Variants in CPQ observed in about 807,000 individuals in gnomAD.
The protein encoded by CPQ is Ser-Met dipeptidase.
In CPQ, 37 loss-of-function variants were observed where a neutral mutation model predicts 45.7. That is an observed-to-expected ratio of 0.81 (90% confidence interval 0.62 to 1.07). The LOEUF is 1.07. Ranked by LOEUF, CPQ falls within the 50% of genes least tolerant of loss-of-function variation. The pLI, the probability that CPQ is intolerant of heterozygous loss-of-function variation, is 0.00. For synonymous variants in CPQ, 186 were observed against 205.8 expected, an observed-to-expected ratio of 0.90 and a Z score of 0.82; for missense variants, 537 against 572.9, an observed-to-expected ratio of 0.94 and a Z score of 0.64.
At chr8:97,134,305 G>A (rs1316269674) in intron 7 of CPQ, among the ~76,000 whole-genome samples, 1 of 152,046 alleles carries the variant, frequency 6.6e-6, no homozygotes, top group African/African-American at 2.4e-5. Context: ...ATAAAACCAT[G>A]ATAATATTGT....
intron 4 of CPQ, among the ~76,000 whole-genome samples, chr8:96,919,145 T>C (rs1471622643): frequency 6.6e-6 from 1 of 151,924 alleles, no homozygotes; most frequent in Non-Finnish European, 1.5e-5. Flanking sequence ...TTTTGTGCTG[T>C]TGGTTGTTGT....
intron 2 of CPQ, among the ~76,000 whole-genome samples, chr8:96,806,652 T>G (rs117057921): frequency 7.0e-4 from 106 of 152,320 alleles, no homozygotes; most frequent in Non-Finnish European, 1.2e-3. Flanking sequence ...AGGTACAGTA[T>G]CATACAATTT....
At chr8:96,761,908 A>G (rs1810410275) in intron 1 of CPQ, among the ~76,000 whole-genome samples, 2 of 152,334 alleles carry the variant, frequency 1.3e-5, no homozygotes, top group South Asian at 4.1e-4. Flanking sequence ...TCCCTTCTGA[A>G]CATAGCAAAT....
At chr8:97,124,985 A>C (rs999340426) in intron 7 of CPQ, among the ~76,000 whole-genome samples, 8 of 152,152 alleles carry the variant, frequency 5.3e-5, no homozygotes, top group African/African-American at 1.9e-4. Context: ...TTTTGAAACA[A>C]AGCTATAAAA....
intron 5 of CPQ, among the ~76,000 whole-genome samples, chr8:96,983,103 C>T (rs1391758309): frequency 1.3e-5 from 2 of 152,072 alleles, no homozygotes; most frequent in Non-Finnish European, 2.9e-5. Context: ...GCAGATGTAA[C>T]CAGTGTTCTG....
intron 2 of CPQ, among the ~76,000 whole-genome samples, chr8:96,834,438 G>A (rs1046857971): frequency 1.3e-5 from 2 of 152,176 alleles, no homozygotes; most frequent in Non-Finnish European, 2.9e-5. Flanking sequence ...TCTTCAGAGA[G>A]ATTACATTAA....
chr8:96,978,545 C>T (rs1378299377), intron 5 of CPQ, among the ~76,000 whole-genome samples: 4 of 152,084 alleles, frequency 2.6e-5, no homozygotes, highest in Admixed American at 2.6e-4. Flanking sequence ...ATAATAATGA[C>T]CAGTTCTTTT....
chr8:96,919,282 T>G (rs2130909875), intron 4 of CPQ, among the ~76,000 whole-genome samples: 1 of 152,284 alleles, frequency 6.6e-6, no homozygotes, highest in Non-Finnish European at 1.5e-5. Context: ...CTCCTGAATC[T>G]TCCAAAGTAA....
intron 3 of CPQ, among the ~76,000 whole-genome samples, chr8:96,843,300 A>G (rs956207670): frequency 6.6e-6 from 1 of 152,204 alleles, no homozygotes; most frequent in Non-Finnish European, 1.5e-5. Context: ...AGTCTTATTA[A>G]CTATTGACTG....
intron 1 of CPQ, among the ~76,000 whole-genome samples, chr8:96,687,175 TTTCTC>T (rs199945706): frequency 0.059 from 8,928 of 151,642 alleles, 308 homozygotes; most frequent in Middle Eastern, 0.12. Context: ...TTTTCTTTTC[TTTCTC>T]TTCTCTTCTC....
In CPQ at chr8:96,713,655, T is replaced by A. The variant is rs1258213977; in HGVS notation, c.-35+68253T>A. ...ATGATTCAAATACCTCCCACTGGGT[T>A]CCTTCCACAGTGCATGGGGATTATG... On this transcript the variant is annotated intron_variant, in intron 1 of 7. Transcript: ENST00000220763. Among the ~76,000 whole-genome samples the A allele has an allele frequency of 3.9e-5, 6 of 152,258 alleles. No individual in the cohort carries two copies. In the East Asian group the frequency reaches 1.2e-3, roughly 30 times the overall value.
chr8:97,035,809 G>A (rs1240782584), intron 6 of CPQ, among the ~76,000 whole-genome samples: 1 of 152,092 alleles, frequency 6.6e-6, no homozygotes, highest in Non-Finnish European at 1.5e-5. Flanking sequence ...CAGGGTTCAC[G>A]CCATTCTCCT....
rs550893111 is a variant in CPQ at position 96,758,708 on chromosome 8, C to T, written c.-34-26156C>T. On this transcript the variant is annotated intron_variant, in intron 1 of 7. Transcript: ENST00000220763. ...TAGCCCTATTGATTTTTCTTTAGTT[C>T]TTCTTCTTTTTTGTTTTCTGTTCAT... 5.3e-5 allele frequency among the ~76,000 whole-genome samples: 8 copies of T among 152,142 alleles called. No homozygotes were observed. In the South Asian group the frequency reaches 1.7e-3, roughly 32 times the overall value.
At chr8:96,922,625 T>C (rs1319212733) in intron 4 of CPQ, among the ~76,000 whole-genome samples, 1 of 152,230 alleles carries the variant, frequency 6.6e-6, no homozygotes, top group East Asian at 1.9e-4. Flanking sequence ...TAAGTTTTGT[T>C]TTGTTTGAAA....
At chr8:96,855,767 T>A (rs958519225) in intron 3 of CPQ, among the ~76,000 whole-genome samples, 2 of 152,152 alleles carry the variant, frequency 1.3e-5, no homozygotes, top group African/African-American at 4.8e-5. Context: ...CAGATAGTGA[T>A]AAATGCCATA....
At chr8:96,996,914 G>T (rs1267415969) in intron 5 of CPQ, among the ~76,000 whole-genome samples, 2 of 151,992 alleles carry the variant, frequency 1.3e-5, no homozygotes, top group Non-Finnish European at 2.9e-5. Context: ...GGTAGGCAAA[G>T]CATCTGGAAA....
At position 97,126,360 on chromosome 8, in the gene CPQ, G is replaced by T. The variant is rs866986208; in HGVS notation, c.1256-16660G>T. ...AGTAAGTTTTATGCAAAGTCTTGATGGTCTCTGTGCAAAGTTGTGGTTTTA... is the reference window on the plus strand; with the variant it reads ...AGTAAGTTTTATGCAAAGTCTTGATTGTCTCTGTGCAAAGTTGTGGTTTTA... On this transcript the variant is annotated intron_variant, in intron 7 of 7. Transcript: ENST00000220763. Among the ~76,000 whole-genome samples, 4 of 152,158 alleles carry T rather than the reference G, an allele frequency of 2.6e-5. No individual in the cohort carries two copies. In the South Asian group the frequency reaches 6.2e-4, roughly 24 times the overall value.
At chr8:96,871,036 A>G (rs1385951091) in intron 3 of CPQ, among the ~76,000 whole-genome samples, 1 of 152,042 alleles carries the variant, frequency 6.6e-6, no homozygotes, top group Non-Finnish European at 1.5e-5. Flanking sequence ...TATACTGATA[A>G]TGATGCACAG....
chr8:96,794,653 C>A (rs942726016), intron 2 of CPQ, among the ~76,000 whole-genome samples: 2 of 152,210 alleles, frequency 1.3e-5, no homozygotes, highest in African/African-American at 4.8e-5. Context: ...TGTCAGGCTG[C>A]AAATTTTCCG....
Sources: gnomAD v4.1 joint callset for allele counts (sites outside exome capture counted in the v4.1 genomes callset) on GRCh38, gnomAD v4.1.1 for gene constraint, MANE v1.5 for transcripts, NCBI Gene and HGNC (gene_info 2026-07-23, HGNC 2026-07-21) for gene names.